The following CSMD1 variants were observed in gnomAD, a reference collection of about 807,000 sequenced individuals.
CSMD1 encodes CUB and Sushi multiple domains 1.
CSMD1 carries 213 observed loss-of-function variants against 417.5 expected under a neutral mutation model. The ratio of observed to expected loss-of-function variants is 0.51; its 90% confidence interval spans 0.46 to 0.57. CSMD1 has a LOEUF of 0.57. Ranked by LOEUF, CSMD1 falls within the 20% of genes least tolerant of loss-of-function variation. The probability of loss-of-function intolerance (pLI) is 0.00; values close to 1 mark genes in which losing one functional copy is unlikely to be tolerated. For synonymous variants in CSMD1, 2,862 were observed against 1,736.8 expected, an observed-to-expected ratio of 1.65 and a Z score of -16.11; for missense variants, 6,923 against 4,529.7, an observed-to-expected ratio of 1.53 and a Z score of -15.17.
At chr8:4,889,594 T>G (rs1359658718) in intron 1 of CSMD1, among the ~76,000 whole-genome samples, 1 of 151,666 alleles carries the variant, frequency 6.6e-6, no homozygotes, top group Non-Finnish European at 1.5e-5. Flanking sequence ...GTCAAAAAAA[T>G]AGAAAAAAAA....
intron 26 of CSMD1, among the ~76,000 whole-genome samples, chr8:3,246,247 G>A (rs1358532812): frequency 6.6e-6 from 1 of 152,052 alleles, no homozygotes; most frequent in Non-Finnish European, 1.5e-5. Context: ...ACCCACACCA[G>A]CCCCTCATTC....
At chr8:3,868,548 A>T (rs924581086) in intron 5 of CSMD1, among the ~76,000 whole-genome samples, 1 of 151,962 alleles carries the variant, frequency 6.6e-6, no homozygotes, top group African/African-American at 2.4e-5. Context: ...TGCAGCCTGA[A>T]CCCTGTTCTG....
At chr8:3,479,059 T>G (rs1817588565) in intron 11 of CSMD1, among the ~76,000 whole-genome samples, 1 of 150,436 alleles carries the variant, frequency 6.6e-6, no homozygotes. Flanking sequence ...TTCTGCCCCC[T>G]CAGCCAGCAC....
chr8:3,812,770 G>C (rs1181005471), intron 5 of CSMD1, among the ~76,000 whole-genome samples: 1 of 152,142 alleles, frequency 6.6e-6, no homozygotes, highest in Admixed American at 6.6e-5. Context: ...AATTAACCAA[G>C]GGTCAATGTA....
intron 3 of CSMD1, among the ~76,000 whole-genome samples, chr8:4,396,681 T>G (rs2406692): frequency 0.17 from 25,572 of 151,506 alleles, 2,324 homozygotes; most frequent in Admixed American, 0.28. Context: ...ACACACCCAA[T>G]GGAATACCGA....
intron 11 of CSMD1, among the ~76,000 whole-genome samples, chr8:3,492,833 T>A (rs975755737): frequency 1.3e-5 from 2 of 151,240 alleles, no homozygotes; most frequent in African/African-American, 2.4e-5. Context: ...CCCCAACACT[T>A]TTCCCCCCCA....
At position 3,963,797 on chromosome 8, in the gene CSMD1, C is replaced by G. The variant is rs568315507; in HGVS notation, c.818+34106G>C. On this transcript the variant is annotated intron_variant, in intron 5 of 69. Transcript: ENST00000635120. ...TATAGCAACCTAAGTCAGACAGAAA[C>G]TTAATATTTTGAAATAAAATCAACA... Among the ~76,000 whole-genome samples, 3 of 152,158 alleles carry G rather than the reference C, an allele frequency of 2.0e-5. No individual in the cohort carries two copies. In the East Asian group the frequency reaches 5.8e-4, roughly 29 times the overall value.
At chr8:4,560,705 T>C (rs1020286758) in intron 2 of CSMD1, among the ~76,000 whole-genome samples, 1 of 152,210 alleles carries the variant, frequency 6.6e-6, no homozygotes, top group African/African-American at 2.4e-5. Context: ...TTTTTGTTAG[T>C]CGACAACACT....
At chr8:3,516,025 C>G (rs986416231) in intron 10 of CSMD1, among the ~76,000 whole-genome samples, 4 of 152,192 alleles carry the variant, frequency 2.6e-5, no homozygotes, top group Admixed American at 2.6e-4. Context: ...AACTCAACAT[C>G]TCTGTGGAGA....
intron 1 of CSMD1, among the ~76,000 whole-genome samples, chr8:4,925,364 T>C (rs1247266343): frequency 6.6e-6 from 1 of 151,682 alleles, no homozygotes; most frequent in African/African-American, 2.4e-5. Flanking sequence ...TGTTGAAACC[T>C]GACATTTCTT....
At chr8:4,672,950 G>A (rs997651475) in intron 1 of CSMD1, among the ~76,000 whole-genome samples, 18 of 151,648 alleles carry the variant, frequency 1.2e-4, no homozygotes, top group African/African-American at 4.1e-4. Context: ...ATGGTGACAC[G>A]GCACACATAC....
At chr8:4,217,014 T>C (rs1800720871) in intron 3 of CSMD1, among the ~76,000 whole-genome samples, 1 of 152,210 alleles carries the variant, frequency 6.6e-6, no homozygotes. Context: ...TTGTCTTGTG[T>C]CTCTTAAAGG....
intron 18 of CSMD1, among the ~76,000 whole-genome samples, chr8:3,383,887 T>C (rs1047039583): frequency 2.6e-5 from 4 of 152,126 alleles, no homozygotes; most frequent in African/African-American, 7.2e-5. Flanking sequence ...TAATATTAGA[T>C]GATGAGAAGC....
intron 2 of CSMD1, among the ~76,000 whole-genome samples, chr8:4,430,086 G>C (rs1360035932): frequency 6.6e-6 from 1 of 152,196 alleles, no homozygotes; most frequent in Non-Finnish European, 1.5e-5. Context: ...AAAACTTAAT[G>C]TTTAAATCCC....
intron 3 of CSMD1, among the ~76,000 whole-genome samples, chr8:4,114,662 A>C (rs10093241): frequency 6.6e-6 from 1 of 152,202 alleles, no homozygotes; most frequent in Non-Finnish European, 1.5e-5. Context: ...GCTAGATGCC[A>C]TTAAGAAAAA....
intron 3 of CSMD1, among the ~76,000 whole-genome samples, chr8:4,188,285 C>T (rs894704983): frequency 6.6e-6 from 1 of 152,156 alleles, no homozygotes; most frequent in Non-Finnish European, 1.5e-5. Flanking sequence ...AGACGTCGGT[C>T]AATGTCCCCC....
intron 38 of CSMD1, among the ~76,000 whole-genome samples, chr8:3,159,785 C>G (rs546854649): frequency 6.6e-6 from 1 of 152,150 alleles, no homozygotes; most frequent in African/African-American, 2.4e-5. Context: ...CATCCACAGG[C>G]CTGTGTCCCT....
intron 8 of CSMD1, among the ~76,000 whole-genome samples, chr8:3,593,534 C>T (rs1054935195): frequency 5.3e-5 from 8 of 152,164 alleles, no homozygotes; most frequent in African/African-American, 1.9e-4. Flanking sequence ...GGGCCCTTAA[C>T]GTCCTTGAGA....
intron 3 of CSMD1, among the ~76,000 whole-genome samples, chr8:4,103,546 G>C (rs367553713): frequency 6.6e-6 from 1 of 151,742 alleles, no homozygotes. Context: ...ATGTAAAACT[G>C]ACTGCATCAA....
Sources: gnomAD v4.1 joint callset for allele counts (sites outside exome capture counted in the v4.1 genomes callset) on GRCh38, gnomAD v4.1.1 for gene constraint, MANE v1.5 for transcripts, NCBI Gene and HGNC (gene_info 2026-07-23, HGNC 2026-07-21) for gene names.